Variants in DCC observed in about 807,000 individuals in gnomAD.
DCC encodes DCC netrin 1 receptor.
A neutral mutation model predicts 172.5 loss-of-function variants in DCC; 58 were observed. That is an observed-to-expected ratio of 0.34 (90% CI 0.27 to 0.42). The LOEUF (loss-of-function observed/expected upper bound fraction) is 0.42. Ranked by LOEUF, DCC falls within the 10% of genes least tolerant of loss-of-function variation. The pLI is 1.00. For missense variants in DCC, 1,740 were observed against 1,791.0 expected, an observed-to-expected ratio of 0.97 and a Z score of 0.51; for synonymous variants, 709 against 644.5, an observed-to-expected ratio of 1.10 and a Z score of -1.52.
At chr18:53,350,510 A>C (rs921693940) in intron 15 of DCC, among the ~76,000 whole-genome samples, 16 of 152,170 alleles carry the variant, frequency 1.1e-4, no homozygotes, top group African/African-American at 3.6e-4. Context: ...AAGCATACAA[A>C]AAAGTAAATA....
intron 12 of DCC, among the ~76,000 whole-genome samples, chr18:53,219,600 T>A (rs1435817478): frequency 6.6e-6 from 1 of 152,142 alleles, no homozygotes; most frequent in Non-Finnish European, 1.5e-5. Flanking sequence ...ACCAGATGCA[T>A]CTATGTGAAT....
At chr18:53,185,009 A>G (rs560372465) in intron 9 of DCC, among the ~76,000 whole-genome samples, 2 of 152,324 alleles carry the variant, frequency 1.3e-5, no homozygotes, top group East Asian at 3.9e-4. Context: ...ACAACAATTC[A>G]GTTGTCTGAT....
Position 52,752,050 on chromosome 18 carries a change from C to A in DCC, c.92-4C>A. ...ACATATTTCCCTGTGCTCTCTTGTT[C>A]CAGGTTTTCAAATTAAAGCTTTCAC... On this transcript the variant is annotated splice_region_variant and splice_polypyrimidine_tract_variant and intron_variant, in intron 1 of 28. Transcript: ENST00000442544. 1 of 1,612,852 alleles carries A rather than the reference C, an allele frequency of 6.2e-7. No homozygotes were observed. Among genetic ancestry groups the A allele is most frequent in the Non-Finnish European group, 8.5e-7 (1 of 1,178,970 alleles).
chr18:53,032,116 A>G (rs1052164256), intron 5 of DCC, among the ~76,000 whole-genome samples: 2 of 152,170 alleles, frequency 1.3e-5, no homozygotes, highest in South Asian at 4.1e-4. Context: ...TCTAGAAATA[A>G]TACAGAACAT....
intron 1 of DCC, among the ~76,000 whole-genome samples, chr18:52,630,911 TATTCTAGAAATAC>T (rs1193376334): frequency 6.6e-6 from 1 of 152,184 alleles, no homozygotes; most frequent in South Asian, 2.1e-4. Flanking sequence ...CTCTTACCAA[TATTCTAGAAATAC>T]ACACCTCGAG....
intron 2 of DCC, among the ~76,000 whole-genome samples, chr18:52,847,944 G>T (rs1302563773): frequency 3.9e-5 from 6 of 152,210 alleles, no homozygotes; most frequent in South Asian, 2.1e-4. Context: ...GAATCTAGTT[G>T]TATGAATTGA....
rs138412944 is a variant in DCC at position 52,716,957 on chromosome 18, G to A, written c.92-35097G>A. On this transcript the variant is annotated intron_variant, in intron 1 of 28. Transcript: ENST00000442544. ...TGGGAGGCTAAATGGAATTACAAGT[G>A]ACCAAGATCCAAAATATTATACTAC... 9.2e-5 allele frequency among the ~76,000 whole-genome samples: 14 copies of A among 152,308 alleles called. No individual in the cohort carries two copies. The East Asian group carries it at 2.7e-3, about 29-fold the overall frequency.
intron 2 of DCC, among the ~76,000 whole-genome samples, chr18:52,785,797 TTAA>T (rs2037646416): frequency 1.3e-5 from 2 of 152,090 alleles, no homozygotes; most frequent in African/African-American, 4.8e-5. Context: ...CCTGCAATTA[TTAA>T]TCCCCTCATG....
chr18:53,028,119 A>C (rs1309646271), intron 5 of DCC, among the ~76,000 whole-genome samples: 2 of 152,136 alleles, frequency 1.3e-5, no homozygotes, highest in Non-Finnish European at 2.9e-5. Context: ...AGTTAATAGC[A>C]TTGCAGAAAA....
At chr18:52,650,737 T>C (rs915284631) in intron 1 of DCC, among the ~76,000 whole-genome samples, 8 of 152,156 alleles carry the variant, frequency 5.3e-5, no homozygotes, top group Non-Finnish European at 7.4e-5. Context: ...GAAAATACAA[T>C]AGCAAACAGA....
At chr18:53,366,799 A>T (rs982490974) in intron 15 of DCC, among the ~76,000 whole-genome samples, 6 of 152,164 alleles carry the variant, frequency 3.9e-5, no homozygotes, top group African/African-American at 1.4e-4. Context: ...AGGTGAGCAA[A>T]GGTGCCAATG....
At chr18:52,990,099 G>A (rs1463630029) in intron 5 of DCC, among the ~76,000 whole-genome samples, 2 of 152,160 alleles carry the variant, frequency 1.3e-5, no homozygotes, top group Non-Finnish European at 2.9e-5. Context: ...AATTAAAGCT[G>A]AGATGTTACC....
At chr18:53,508,087 GT>G (rs2046204876) in intron 27 of DCC, among the ~76,000 whole-genome samples, 1 of 151,550 alleles carries the variant, frequency 6.6e-6, no homozygotes, top group African/African-American at 2.4e-5. Context: ...TAGAGACGGG[GT>G]TTCACCGTGT....
chr18:52,549,205 T>C (rs1027390516), intron 1 of DCC, among the ~76,000 whole-genome samples: 4 of 152,074 alleles, frequency 2.6e-5, no homozygotes, highest in Non-Finnish European at 5.9e-5. Flanking sequence ...AAAAATTAAT[T>C]CATGCCATGT....
intron 2 of DCC, among the ~76,000 whole-genome samples, chr18:52,878,050 C>T (rs898921490): frequency 5.3e-5 from 8 of 152,244 alleles, no homozygotes; most frequent in Admixed American, 2.0e-4. Context: ...TGATCTTTCA[C>T]TGGCTTCCTC....
intron 13 of DCC, among the ~76,000 whole-genome samples, chr18:53,317,025 G>T (rs371346787): frequency 6.6e-6 from 1 of 152,150 alleles, no homozygotes; most frequent in Admixed American, 6.5e-5. Flanking sequence ...GTCTTGTGCC[G>T]GCTTTCAAAG....
Position 52,917,202 on chromosome 18 carries a change from C to A in DCC, c.698-6505C>A, listed in dbSNP as rs567627408. On this transcript the variant is annotated intron_variant, in intron 3 of 28. Transcript: ENST00000442544. ...GGACGTAGTGACATGTGCCTGTAGT[C>A]CCAGCTATTTGGGAGGCTGAGGTGG... Among the ~76,000 whole-genome samples, 7 of 150,220 alleles carry A rather than the reference C, an allele frequency of 4.7e-5. No homozygotes were observed. The South Asian group carries it at 1.5e-3, about 32-fold the overall frequency.
chr18:52,521,054 C>G (rs1163348951), intron 1 of DCC, among the ~76,000 whole-genome samples: 1 of 151,786 alleles, frequency 6.6e-6, no homozygotes, highest in Admixed American at 6.6e-5. Flanking sequence ...TATTTAAAGC[C>G]AAAAATTCTG....
chr18:52,966,946 G>A (rs2040941736), intron 5 of DCC, among the ~76,000 whole-genome samples: 1 of 152,166 alleles, frequency 6.6e-6, no homozygotes, highest in South Asian at 2.1e-4. Context: ...ACTCAACAGC[G>A]ATTTGAACGT....
Sources: gnomAD v4.1 joint callset for allele counts (sites outside exome capture counted in the v4.1 genomes callset) on GRCh38, gnomAD v4.1.1 for gene constraint, MANE v1.5 for transcripts, NCBI Gene and HGNC (gene_info 2026-07-23, HGNC 2026-07-21) for gene names.